The following PDE2A variants were observed in gnomAD, a reference collection of about 807,000 sequenced individuals.
The protein encoded by PDE2A is phosphodiesterase 2A.
A neutral mutation model predicts 133.6 loss-of-function variants in PDE2A; 53 were observed. The ratio of observed to expected loss-of-function variants is 0.40; its 90% CI spans 0.32 to 0.50. PDE2A has a LOEUF of 0.50. Ranked by LOEUF, PDE2A falls within the 20% of genes least tolerant of loss-of-function variation. The probability of loss-of-function intolerance (pLI) is 0.73; values close to 1 mark genes in which losing one functional copy is unlikely to be tolerated. For missense variants in PDE2A, 796 were observed against 1,232.4 expected (o/e 0.65, Z 5.30); for synonymous variants, 491 against 490.2 (o/e 1.00, Z -0.02).
intron 13 of PDE2A, among the ~76,000 whole-genome samples, chr11:72,586,423 G>T (rs1476343302): frequency 6.6e-6 from 1 of 152,174 alleles, no homozygotes; most frequent in African/African-American, 2.4e-5. Context: ...TCTCTGATTT[G>T]GGATTTACCC....
intron 1 of PDE2A, among the ~76,000 whole-genome samples, chr11:72,654,262 T>C (rs1854831194): frequency 6.6e-6 from 1 of 152,172 alleles, no homozygotes; most frequent in South Asian, 2.1e-4. Flanking sequence ...GCCTAGCTGC[T>C]CGGCGTCAGG....
intron 2 of PDE2A, among the ~76,000 whole-genome samples, chr11:72,624,552 A>G (rs1447267512): frequency 6.6e-6 from 1 of 152,120 alleles, no homozygotes; most frequent in Non-Finnish European, 1.5e-5. Context: ...CAATGTCACA[A>G]TTCAGTGTCA....
chr11:72,577,369 T>C lies in PDE2A; in HGVS notation c.*15A>G, dbSNP rs780915682. 3.2e-5 allele frequency: 51 copies of C among 1,598,228 alleles called. No individual in the cohort carries two copies. Among genetic ancestry groups the C allele is most frequent in the Non-Finnish European group, 4.2e-5 (49 of 1,167,882 alleles). ...GTGGGAGGTGGCCTGGGCAGGGAAG[T>C]GTCCCTGGAGGGGATCACTCAGCAT... On this transcript the variant is annotated 3_prime_UTR_variant, in exon 31 of 31. Transcript: ENST00000334456.
intron 2 of PDE2A, among the ~76,000 whole-genome samples, chr11:72,631,601 G>A (rs976668095): frequency 6.6e-6 from 1 of 152,190 alleles, no homozygotes; most frequent in Non-Finnish European, 1.5e-5. Context: ...CCTGGGTGCT[G>A]TGAGTCTCAA....
chr11:72,589,898 G>T lies in PDE2A; in HGVS notation c.831+9C>A. The T allele has an allele frequency of 6.2e-7, 1 of 1,612,584 alleles. No individual in the cohort carries two copies. Among genetic ancestry groups the T allele is most frequent in the East Asian group, 2.2e-5 (1 of 44,842 alleles). On this transcript the variant is annotated intron_variant, in intron 10 of 30. Coordinates refer to ENST00000334456, the MANE Select transcript of PDE2A (RefSeq NM_002599.5). ...CCGCCCCCGCTCTACAGTGGACCTGGGCCCTCACCTTGCAAGAAAGCTGGA... is the reference window on the plus strand; with the variant it reads ...CCGCCCCCGCTCTACAGTGGACCTGTGCCCTCACCTTGCAAGAAAGCTGGA...
At chr11:72,625,864 C>T (rs577987072) in intron 2 of PDE2A, among the ~76,000 whole-genome samples, 32 of 152,346 alleles carry the variant, frequency 2.1e-4, no homozygotes, top group African/African-American at 7.5e-4. Flanking sequence ...CCAGTGCACA[C>T]GCTCTTCACA....
chr11:72,649,625 T>G (rs1854669492), intron 1 of PDE2A, among the ~76,000 whole-genome samples: 1 of 152,232 alleles, frequency 6.6e-6, no homozygotes, highest in African/African-American at 2.4e-5. Context: ...GCCTCCAGAC[T>G]GCTTCCTCTG....
At chr11:72,635,924 C>T (rs1171094101) in intron 2 of PDE2A, 19 of 1,115,534 alleles carry the variant, frequency 1.7e-5, no homozygotes, top group Admixed American at 5.4e-5. Flanking sequence ...TCCATTCTTT[C>T]GGCCACCCGA....
At chr11:72,625,091 T>C (rs1857990988) in intron 2 of PDE2A, among the ~76,000 whole-genome samples, 1 of 152,198 alleles carries the variant, frequency 6.6e-6, no homozygotes, top group African/African-American at 2.4e-5. Flanking sequence ...CCTTCAAGGA[T>C]TTCCTGTTGT....
At chr11:72,673,959 C>T (rs1162451455) in intron 1 of PDE2A, among the ~76,000 whole-genome samples, 178 bp downstream of exon 1, 1 of 152,190 alleles carries the variant, frequency 6.6e-6, no homozygotes, top group Non-Finnish European at 1.5e-5. Flanking sequence ...CAGAGGTAAC[C>T]TGCCCCCACC....
At chr11:72,663,461 G>T (rs1467136739) in intron 1 of PDE2A, among the ~76,000 whole-genome samples, 1 of 152,172 alleles carries the variant, frequency 6.6e-6, no homozygotes, top group East Asian at 1.9e-4. Flanking sequence ...AGGTGCAGTG[G>T]TTCACGCCTG....
At chr11:72,638,116 T>A (rs77525554) in intron 2 of PDE2A, among the ~76,000 whole-genome samples, 2,420 of 151,924 alleles carry the variant, frequency 0.016, 82 homozygotes, top group African/African-American at 0.056. Context: ...GAGAGCAGCA[T>A]GGTGCTAGGA....
In PDE2A at chr11:72,626,651, C is replaced by T. The variant is rs1316016482; in HGVS notation, c.144+15603G>A. 2.0e-5 allele frequency among the ~76,000 whole-genome samples: 3 copies of T among 152,326 alleles called. No individual in the cohort carries two copies. In the South Asian group the frequency reaches 6.2e-4, roughly 32 times the overall value. ...CCCCTCCCACTCCTGCCCACACTCTCGCACAAGCTGCTCCTTCCCCAGCGA... is the reference window on the plus strand; with the variant it reads ...CCCCTCCCACTCCTGCCCACACTCTTGCACAAGCTGCTCCTTCCCCAGCGA... On this transcript the variant is annotated intron_variant, in intron 2 of 30. Transcript: ENST00000334456.
intron 2 of PDE2A, among the ~76,000 whole-genome samples, chr11:72,641,367 C>T (rs1231900908): frequency 6.6e-6 from 1 of 152,212 alleles, no homozygotes; most frequent in Non-Finnish European, 1.5e-5. Context: ...TAGCCCTGCT[C>T]TCTGAGCCTG....
chr11:72,655,318 C>A lies in PDE2A; in HGVS notation c.72-12992G>T, dbSNP rs539313779. ...GGAGGCTGCTGCCTCCCTGCAGCTC[C>A]CCAGCCAGCCAGTGCCACAGCCAGG... On this transcript the variant is annotated intron_variant, in intron 1 of 30. Transcript: ENST00000334456. Among the ~76,000 whole-genome samples the A allele has an allele frequency of 7.9e-5, 3 of 37,746 alleles. No homozygotes were observed. The East Asian group carries it at 1.1e-3, about 14-fold the overall frequency. The allele number at this position is 37,746 out of a possible 152,430, so 24.8% of individuals were successfully genotyped here. A position where few individuals can be genotyped will look rare whatever the true frequency, so the allele number is the denominator to read the frequency against.
intron 13 of PDE2A, among the ~76,000 whole-genome samples, chr11:72,588,301 G>A (rs561052112): frequency 2.0e-5 from 3 of 152,302 alleles, no homozygotes; most frequent in Middle Eastern, 3.4e-3. Context: ...AAGCCTCCAA[G>A]CCTGCTTTCC....
intron 2 of PDE2A, among the ~76,000 whole-genome samples, chr11:72,621,546 G>A (rs922997304): frequency 4.6e-5 from 7 of 152,136 alleles, no homozygotes; most frequent in African/African-American, 1.4e-4. Flanking sequence ...GGTCCACAGC[G>A]TCCCACTGTC....
intron 2 of PDE2A, among the ~76,000 whole-genome samples, chr11:72,614,259 C>A (rs1382432826): frequency 6.6e-6 from 1 of 152,234 alleles, no homozygotes; most frequent in Non-Finnish European, 1.5e-5. Context: ...GTGCGAAGAT[C>A]TTGCAGCCCC....
intron 2 of PDE2A, among the ~76,000 whole-genome samples, chr11:72,611,809 C>G (rs948569926): frequency 6.6e-6 from 1 of 152,178 alleles, no homozygotes; most frequent in African/African-American, 2.4e-5. Flanking sequence ...CTCAAAGGGG[C>G]CTTCAAGGCT....
Sources: gnomAD v4.1 joint callset for allele counts (sites outside exome capture counted in the v4.1 genomes callset) on GRCh38, gnomAD v4.1.1 for gene constraint, MANE v1.5 for transcripts, NCBI Gene and HGNC (gene_info 2026-07-23, HGNC 2026-07-21) for gene names.